NFATC1: variants seen among roughly 807,000 people sequenced by gnomAD.
NFATC1 encodes nuclear factor of activated T-cells, cytoplasmic 1.
In NFATC1, 22 loss-of-function variants were observed where a neutral mutation model predicts 76.0. The ratio of observed to expected loss-of-function variants is 0.29; its 90% confidence interval spans 0.21 to 0.41. The LOEUF is 0.41. Ranked by LOEUF, NFATC1 falls within the 10% of genes least tolerant of loss-of-function variation. The probability of loss-of-function intolerance (pLI) is 1.00; values close to 1 mark genes in which losing one functional copy is unlikely to be tolerated. For missense variants in NFATC1, 1,357 were observed against 1,337.7 expected (o/e 1.01, Z -0.23); for synonymous variants, 704 against 613.1 (o/e 1.15, Z -2.19).
In NFATC1 at chr18:79,465,576, G is replaced by T. The variant is rs2088441373; in HGVS notation, c.1960-1874G>T. On this transcript the variant is annotated intron_variant, in intron 7 of 9. Transcript: ENST00000427363. The surrounding 1 kb of genome is among the most constrained non-coding windows in gnomAD (Gnocchi z 4.2). The stretch of plus-strand genomic sequence containing the variant: ...CGCCTCCACCCCAGCCTGTCCCGTG[G>T]GGTCCCCGCCTCCCCACTCCTCGCT... Among the ~76,000 whole-genome samples, 1 of 151,998 alleles carries T rather than the reference G, an allele frequency of 6.6e-6. No homozygotes were observed.
At position 79,471,708 on chromosome 18, in the gene NFATC1, G is replaced by A. The variant is rs1320463264; in HGVS notation, c.2092+4126G>A. Among the ~76,000 whole-genome samples, 5 of 152,202 alleles carry A rather than the reference G, an allele frequency of 3.3e-5. No individual in the cohort carries two copies. In the South Asian group the frequency reaches 6.2e-4, roughly 19 times the overall value. On this transcript the variant is annotated intron_variant, in intron 8 of 9. Coordinates refer to ENST00000427363, the MANE Select transcript of NFATC1 (RefSeq NM_001278669.2). ...ACGCGGTCCAGCTGAGGGTCATCCC[G>A]TGACAAGGAGTGGCTGCTGTGATGA... is the stretch of plus-strand genomic sequence containing the variant.
chr18:79,461,183 C>G, intron 6 of NFATC1, 128 bp from the exon 7 acceptor site: 2 of 1,010,454 alleles, frequency 2.0e-6, no homozygotes, highest in East Asian at 5.2e-5. Context: ...TGGGATGGGC[C>G]TACGTGGGTC....
intron 2 of NFATC1, among the ~76,000 whole-genome samples, chr18:79,429,072 A>C (rs2086493832): frequency 6.6e-6 from 1 of 152,044 alleles, no homozygotes; most frequent in Admixed American, 6.6e-5. Flanking sequence ...AATACAAAAA[A>C]TTAGCCGGTG....
Position 79,396,159 on chromosome 18 carries a change from C to T in NFATC1, c.-66C>T. 16 of 1,369,080 alleles carry T rather than the reference C, an allele frequency of 1.2e-5. No homozygotes were observed. Among genetic ancestry groups the T allele is most frequent in the Admixed American group, 3.0e-5 (1 of 33,700 alleles). 84.8% of individuals were successfully genotyped at this position (1,369,080 alleles called of 1,614,324 possible). A position where few individuals can be genotyped will look rare whatever the true frequency, so the allele number is the denominator to read the frequency against. On this transcript the variant is annotated 5_prime_UTR_variant, in exon 1 of 10. Transcript: ENST00000427363. ...TGTCTTCCCGGAGACCCGACCCCGG[C>T]AGCGCGGGGCGGCCGCTTCTCCTGT...
intron 2 of NFATC1, among the ~76,000 whole-genome samples, chr18:79,432,985 G>A (rs1267884357): frequency 6.6e-6 from 1 of 152,166 alleles, no homozygotes; most frequent in Non-Finnish European, 1.5e-5. Context: ...GCCTCCCACA[G>A]CCCTCACCGT....
intron 9 of NFATC1, among the ~76,000 whole-genome samples, chr18:79,499,696 G>A (rs2089974206): frequency 6.6e-6 from 1 of 152,116 alleles, no homozygotes; most frequent in Non-Finnish European, 1.5e-5. Context: ...AAGAGATACT[G>A]TGCAATAGTA....
intron 7 of NFATC1, among the ~76,000 whole-genome samples, chr18:79,462,997 G>C (rs183950309): frequency 1.3e-5 from 2 of 152,184 alleles, no homozygotes; most frequent in Non-Finnish European, 2.9e-5. Flanking sequence ...ATGGAGAGCG[G>C]TGCTGGCACC....
In NFATC1 at chr18:79,411,035, G is replaced by T. The variant is rs1568925747; in HGVS notation, c.760G>T (p.Ala254Ser). Residue 254 changes from alanine to serine, a missense_variant, in exon 2 of 10, where the codon GCC becomes TCC. Around this residue, in one of 3 missense-constraint regions of NFATC1, gnomAD observed 691 missense variants for 613.1 expected, o/e 1.13. Transcript: ENST00000427363. ...ASVTEESWLG[A>S]RSSRPASPCN... ...CGTCACTGAGGAGAGCTGGCTGGGT[G>T]CCCGCTCCTCCAGACCCGCGTCCCC... The T allele has an allele frequency of 6.2e-7, 1 of 1,611,706 alleles. No individual in the cohort carries two copies. The highest frequency in any genetic ancestry group is 2.2e-5 in the East Asian group (1 of 44,826).
chr18:79,396,039 C>CAGGTCCT lies in NFATC1; in HGVS notation c.-182_-176dup, dbSNP rs1019341728. 1.2e-5 allele frequency: 7 copies of CAGGTCCT among 586,270 alleles called. No homozygotes were observed. In the African/African-American group the frequency reaches 1.4e-4, roughly 12 times the overall value. 36.3% of individuals were successfully genotyped at this position (586,270 alleles called of 1,614,324 possible). ...GCGGGCAGGGCTCGGAGCCACCGCG[C>CAGGTCCT]AGGTCCTAGGGCCGCGGCCGGGCCC... is the stretch of plus-strand genomic sequence containing the variant. On this transcript the variant is annotated 5_prime_UTR_variant, in exon 1 of 10. Transcript: ENST00000427363.
intron 1 of NFATC1, among the ~76,000 whole-genome samples, chr18:79,405,107 C>T (rs1213213671): frequency 6.6e-6 from 1 of 152,180 alleles, no homozygotes; most frequent in Non-Finnish European, 1.5e-5. Flanking sequence ...CTAGCACCCC[C>T]AAACCACCTG....
chr18:79,443,107 C>T (rs1158181972), intron 3 of NFATC1, among the ~76,000 whole-genome samples: 3 of 152,210 alleles, frequency 2.0e-5, no homozygotes, highest in Non-Finnish European at 4.4e-5. Flanking sequence ...CTGTGCGGGG[C>T]GGCGAGTCCC....
At chr18:79,484,552 C>G (rs148883877) in intron 8 of NFATC1, among the ~76,000 whole-genome samples, 1 of 152,068 alleles carries the variant, frequency 6.6e-6, no homozygotes, top group Admixed American at 6.6e-5. Flanking sequence ...GTGTGCAGGG[C>G]GGACGCTTTA....
At chr18:79,476,902 G>A (rs2089096505) in intron 8 of NFATC1, among the ~76,000 whole-genome samples, 1 of 152,188 alleles carries the variant, frequency 6.6e-6, no homozygotes. Context: ...TGGAAACCTT[G>A]GAACGCGCTT....
rs75615463 is a variant in NFATC1, at chr18:79,476,677, G to A, written c.2092+9095G>A. On this transcript the variant is annotated intron_variant, in intron 8 of 9. Coordinates refer to ENST00000427363, the MANE Select transcript of NFATC1 (RefSeq NM_001278669.2). ...TCGACGTGATAAACCTGAGGGAAAG[G>A]GAATTCTCTCACCCCGACCGACACA... Among the ~76,000 whole-genome samples the A allele has an allele frequency of 3.2e-4, 49 of 152,288 alleles. No individual in the cohort carries two copies. The East Asian group carries it at 7.5e-3, about 23-fold the overall frequency.
intron 9 of NFATC1, among the ~76,000 whole-genome samples, chr18:79,521,158 G>A (rs1262685136): frequency 1.0e-5 from 1 of 99,828 alleles, no homozygotes; most frequent in African/African-American, 4.0e-5. Context: ...GTGTAGGGGG[G>A]GAGCATCCAC....
chr18:79,515,548 G>A (rs2145191781), intron 9 of NFATC1, among the ~76,000 whole-genome samples: 1 of 151,924 alleles, frequency 6.6e-6, no homozygotes, highest in African/African-American at 2.4e-5. Context: ...CTTCTGAGTT[G>A]CCAATGGAGC....
At chr18:79,462,167 G>A (rs1483854120) in intron 7 of NFATC1, among the ~76,000 whole-genome samples, 9 of 152,126 alleles carry the variant, frequency 5.9e-5, no homozygotes, top group African/African-American at 9.6e-5. Flanking sequence ...TCTCCTGCAC[G>A]GCACCGGTTG....
chr18:79,396,393 C>T (rs539815189), intron 1 of NFATC1, 42 bp downstream of exon 1: 8 of 1,174,616 alleles, frequency 6.8e-6, no homozygotes, highest in Non-Finnish European at 8.5e-6. Flanking sequence ...CCTGCGCCCC[C>T]CACGGCCCGG....
chr18:79,461,795 A>G (rs1317074207), intron 7 of NFATC1, among the ~76,000 whole-genome samples: 2 of 152,186 alleles, frequency 1.3e-5, no homozygotes, highest in African/African-American at 4.8e-5. Context: ...GCACCTGCCC[A>G]GACCCGCTCA....
Sources: allele counts gnomAD v4.1 joint callset (sites outside exome capture counted in the v4.1 genomes callset), GRCh38; gene constraint gnomAD v4.1.1; regional missense constraint gnomAD v4.1.1; non-coding constraint Gnocchi (gnomAD v3.1); transcripts MANE v1.5; gene names NCBI Gene and HGNC (gene_info 2026-07-23, HGNC 2026-07-21).